Variants in MAML2 observed in about 807,000 individuals in gnomAD.
The protein encoded by MAML2 is mastermind like transcriptional coactivator 2.
MAML2 carries 22 observed loss-of-function variants against 96.1 expected under a neutral mutation model. The ratio of observed to expected loss-of-function variants is 0.23; its 90% CI spans 0.16 to 0.33. The LOEUF (loss-of-function observed/expected upper bound fraction) is 0.33. Among genes scored for constraint, MAML2 ranks in the 10% least tolerant of loss-of-function variants. MAML2 has a pLI of 1.00. For missense variants in MAML2, 1,367 were observed against 1,392.4 expected (o/e 0.98, Z 0.29); for synonymous variants, 561 against 521.3 (o/e 1.08, Z -1.04).
intron 2 of MAML2, among the ~76,000 whole-genome samples, chr11:96,068,438 TCACACACACACACACACA>T (rs10522513): frequency 1.7e-5 from 2 of 120,290 alleles, no homozygotes; most frequent in Non-Finnish European, 3.5e-5. Context: ...GGAGCTTACT[TCACACACACACACACACA>T]CACACACACA....
chr11:96,014,743 G>T (rs1421555303), intron 2 of MAML2, among the ~76,000 whole-genome samples: 1 of 152,026 alleles, frequency 6.6e-6, no homozygotes, highest in Non-Finnish European at 1.5e-5. Context: ...TAACATTTGG[G>T]GGCTTATGTC....
chr11:96,338,611 T>C (rs1490334927), intron 1 of MAML2, among the ~76,000 whole-genome samples: 2 of 152,218 alleles, frequency 1.3e-5, no homozygotes, highest in Non-Finnish European at 2.9e-5. Context: ...GGCATTGTAC[T>C]AGAAGGTATG....
chr11:96,309,585 A>G (rs939031232), intron 1 of MAML2, among the ~76,000 whole-genome samples: 1 of 152,182 alleles, frequency 6.6e-6, no homozygotes, highest in African/African-American at 2.4e-5. Context: ...GTGGAATTAA[A>G]GCCTTAGAAT....
At chr11:96,105,466 G>A (rs10831483) in intron 1 of MAML2, among the ~76,000 whole-genome samples, 75,825 of 152,048 alleles carry the variant, frequency 0.5, 19,656 homozygotes, top group Middle Eastern at 0.64. Context: ...CACAGGTAGG[G>A]TGATCAGACA....
At chr11:96,229,302 A>G (rs1436355384) in intron 1 of MAML2, among the ~76,000 whole-genome samples, 2 of 152,080 alleles carry the variant, frequency 1.3e-5, no homozygotes, top group African/African-American at 2.4e-5. Context: ...TTAAAGAAGT[A>G]AATTGTAACC....
intron 1 of MAML2, among the ~76,000 whole-genome samples, chr11:96,322,481 A>G (rs1195721930): frequency 3.9e-5 from 6 of 152,188 alleles, no homozygotes; most frequent in Admixed American, 3.3e-4. Flanking sequence ...TCACGAGGTC[A>G]GGAGATCCAG....
intron 2 of MAML2, among the ~76,000 whole-genome samples, chr11:96,085,180 G>A (rs1204891388): frequency 1.3e-5 from 2 of 152,094 alleles, no homozygotes; most frequent in Admixed American, 6.5e-5. Context: ...GTGTGTGTGT[G>A]TGTGTTTAAG....
chr11:96,306,888 T>C (rs1245394721), intron 1 of MAML2, among the ~76,000 whole-genome samples: 1 of 152,172 alleles, frequency 6.6e-6, no homozygotes, highest in East Asian at 1.9e-4. Flanking sequence ...CTTTTTTTTC[T>C]CCAAAGTTAA....
Position 96,166,173 on chromosome 11 carries a change from T to A in MAML2, c.514-72656A>T, listed in dbSNP as rs1429806775. On this transcript the variant is annotated intron_variant, in intron 1 of 4. Transcript: ENST00000524717. ...CTGTCTGTCTCTCTCTCTCTCTCTC[T>A]CTCTCACACACACACACACACACAC... Among the ~76,000 whole-genome samples, 478 of 110,564 alleles carry A rather than the reference T, an allele frequency of 4.3e-3. 5 individuals carry two copies. The highest frequency in any genetic ancestry group is 0.021 in the Admixed American group (247 of 11,564). 72.5% of individuals were successfully genotyped at this position (110,564 alleles called of 152,430 possible).
chr11:96,211,801 T>A lies in MAML2; in HGVS notation c.514-118284A>T, dbSNP rs12287963. The stretch of plus-strand genomic sequence containing the variant: ...TTCGTCTTTAAGCACTAGTTGAGGA[T>A]CTAACATTTTTCCTAATAGAAGATC... On this transcript the variant is annotated intron_variant, in intron 1 of 4. Coordinates refer to ENST00000524717, the MANE Select transcript of MAML2 (RefSeq NM_032427.4). Among the ~76,000 whole-genome samples, 282 of 152,236 alleles carry A rather than the reference T, an allele frequency of 1.9e-3. 2 individuals carry two copies. Among genetic ancestry groups the A allele is most frequent in the African/African-American group, 6.6e-3 (274 of 41,528 alleles).
chr11:96,081,820 G>A (rs1051645554), intron 2 of MAML2, among the ~76,000 whole-genome samples: 1 of 152,136 alleles, frequency 6.6e-6, no homozygotes, highest in Non-Finnish European at 1.5e-5. Flanking sequence ...ACACAGCTTA[G>A]TTTCAGGGAA....
intron 1 of MAML2, among the ~76,000 whole-genome samples, chr11:96,210,706 TAGCATAG>T (rs1861959163): frequency 6.6e-6 from 1 of 152,130 alleles, no homozygotes; most frequent in Non-Finnish European, 1.5e-5. Flanking sequence ...GCACAGCACC[TAGCATAG>T]AGCATAGAGT....
chr11:96,104,420 TATTA>T (rs1859988465), intron 1 of MAML2, among the ~76,000 whole-genome samples: 1 of 152,238 alleles, frequency 6.6e-6, no homozygotes, highest in South Asian at 2.1e-4. Flanking sequence ...ATTGAACATA[TATTA>T]ATTAAATAAT....
At chr11:96,003,799 T>A (rs1167761777) in intron 2 of MAML2, among the ~76,000 whole-genome samples, 1 of 152,180 alleles carries the variant, frequency 6.6e-6, no homozygotes, top group Non-Finnish European at 1.5e-5. Flanking sequence ...CTGAATATCA[T>A]ACATATAACA....
At chr11:96,104,570 A>G (rs1004724237) in intron 1 of MAML2, among the ~76,000 whole-genome samples, 2 of 152,242 alleles carry the variant, frequency 1.3e-5, no homozygotes, top group Non-Finnish European at 2.9e-5. Context: ...GGATCAAAGT[A>G]GACAGTTGAC....
At chr11:96,262,305 C>T (rs1319035116) in intron 1 of MAML2, among the ~76,000 whole-genome samples, 2 of 152,260 alleles carry the variant, frequency 1.3e-5, no homozygotes, top group South Asian at 2.1e-4. Context: ...ATAACATTCT[C>T]ATAGATTAAT....
At chr11:96,324,022 A>T (rs750889054) in intron 1 of MAML2, among the ~76,000 whole-genome samples, 1 of 152,232 alleles carries the variant, frequency 6.6e-6, no homozygotes, top group African/African-American at 2.4e-5. Context: ...TGCAGCTTAG[A>T]TTAGCAGTTA....
At chr11:96,034,363 A>T (rs760605454) in intron 2 of MAML2, among the ~76,000 whole-genome samples, 3 of 151,864 alleles carry the variant, frequency 2.0e-5, no homozygotes, top group Non-Finnish European at 4.4e-5. Context: ...ATTGCTTCTA[A>T]AACAGCACAG....
chr11:96,127,258 A>G (rs1026025432), intron 1 of MAML2, among the ~76,000 whole-genome samples: 1 of 152,244 alleles, frequency 6.6e-6, no homozygotes, highest in African/African-American at 2.4e-5. Context: ...GCATAGTGCC[A>G]TTTCAATTAT....
Sources: allele counts gnomAD v4.1 joint callset (sites outside exome capture counted in the v4.1 genomes callset), GRCh38; gene constraint gnomAD v4.1.1; transcripts MANE v1.5; gene names NCBI Gene and HGNC (gene_info 2026-07-23, HGNC 2026-07-21).